GPC3: variants seen among roughly 807,000 people sequenced by gnomAD.
GPC3 encodes the protein glypican 3, also known as glypican-3.
In GPC3, 3 loss-of-function variants were observed where a neutral mutation model predicts 34.4. The ratio of observed to expected loss-of-function variants is 0.09; its 90% confidence interval spans 0.04 to 0.23. The LOEUF is 0.23. Ranked by LOEUF, GPC3 falls within the 10% of genes least tolerant of loss-of-function variation. The probability of loss-of-function intolerance (pLI) is 1.00; values close to 1 mark genes in which losing one functional copy is unlikely to be tolerated. For missense variants in GPC3, 351 were observed against 445.6 expected, an observed-to-expected ratio of 0.79 and a Z score of 1.91; for synonymous variants, 177 against 174.0, an observed-to-expected ratio of 1.02 and a Z score of -0.13.
At chrX:133,954,864 C>T (rs1165054595) in intron 1 of GPC3, among the ~76,000 whole-genome samples, 2 of 106,451 alleles carry the variant, frequency 1.9e-5, no homozygotes, top group Non-Finnish European at 3.8e-5. Flanking sequence ...TCTCCTGCCT[C>T]AGCCTCCCAA....
At chrX:133,539,743 T>C (rs1569376770) in intron 7 of GPC3, among the ~76,000 whole-genome samples, 1 of 112,191 alleles carries the variant, frequency 8.9e-6, no homozygotes, top group African/African-American at 3.2e-5. Flanking sequence ...ACCAATTCCA[T>C]AGCCAGGCAC....
At chrX:133,863,531 G>C (rs2075948593) in intron 2 of GPC3, among the ~76,000 whole-genome samples, 1 of 108,438 alleles carries the variant, frequency 9.2e-6, no homozygotes, top group Non-Finnish European at 1.9e-5. Context: ...GAAGGCCACA[G>C]AACTAATAAA....
At chrX:133,573,809 C>A (rs1239210841) in intron 7 of GPC3, among the ~76,000 whole-genome samples, 2 of 112,051 alleles carry the variant, frequency 1.8e-5, no homozygotes, top group Non-Finnish European at 3.8e-5. Context: ...TTGTTCCCAC[C>A]TTTTAGCTAT....
intron 7 of GPC3, among the ~76,000 whole-genome samples, chrX:133,587,775 C>G (rs768301525): frequency 3.0e-4 from 34 of 111,981 alleles, no homozygotes; most frequent in Non-Finnish European, 5.3e-4. Context: ...CATCCATTAT[C>G]TCATGTGTTT....
At chrX:133,810,541 C>A (rs1195831699) in intron 2 of GPC3, among the ~76,000 whole-genome samples, 2 of 111,519 alleles carry the variant, frequency 1.8e-5, no homozygotes, top group Non-Finnish European at 3.8e-5. Context: ...GGAAAAACTA[C>A]AAAAACGAAG....
At chrX:133,783,722 T>C (rs1177265619) in intron 2 of GPC3, among the ~76,000 whole-genome samples, 14 of 112,154 alleles carry the variant, frequency 1.2e-4, no homozygotes, top group African/African-American at 4.2e-4. Flanking sequence ...TGCAAAGAGA[T>C]ACTATTTTCA....
chrX:133,738,722 C>A (rs771994565), intron 3 of GPC3, among the ~76,000 whole-genome samples: 1 of 111,770 alleles, frequency 8.9e-6, no homozygotes, highest in East Asian at 2.8e-4. Context: ...GCTAAAAATC[C>A]CCATAGGGAA....
At chrX:133,900,291 A>G (rs1470698258) in intron 2 of GPC3, among the ~76,000 whole-genome samples, 1 of 112,505 alleles carries the variant, frequency 8.9e-6, no homozygotes, top group Non-Finnish European at 1.9e-5. Context: ...TTAGAAGATA[A>G]CAATCAATCA....
intron 2 of GPC3, among the ~76,000 whole-genome samples, chrX:133,769,884 A>G (rs915190592): frequency 2.7e-5 from 3 of 112,459 alleles, no homozygotes; most frequent in African/African-American, 9.7e-5. Flanking sequence ...AATGCCAGAT[A>G]CCCTGCATGT....
chrX:133,615,715 G>A (rs5977897), intron 6 of GPC3, among the ~76,000 whole-genome samples: 4,166 of 106,757 alleles, frequency 0.039, 211 homozygotes, highest in African/African-American at 0.13. Flanking sequence ...TAACAAACCC[G>A]CACGTTGTGA....
chrX:133,780,326 T>C (rs1019841787), intron 2 of GPC3, among the ~76,000 whole-genome samples: 5 of 112,013 alleles, frequency 4.5e-5, no homozygotes, highest in African/African-American at 1.6e-4. Flanking sequence ...TTTCAGAGTA[T>C]CCCTTTTCTT....
intron 1 of GPC3, among the ~76,000 whole-genome samples, chrX:133,976,666 C>T (rs1205862311): frequency 3.6e-5 from 4 of 110,680 alleles, no homozygotes; most frequent in East Asian, 5.6e-4. Context: ...ACCTGAAATC[C>T]CAGCACTTTG....
At chrX:133,783,731 C>G (rs1033918660) in intron 2 of GPC3, among the ~76,000 whole-genome samples, 9 of 112,021 alleles carry the variant, frequency 8.0e-5, no homozygotes, top group African/African-American at 2.9e-4. Context: ...ATACTATTTT[C>G]AGAGGAGCCA....
intron 2 of GPC3, among the ~76,000 whole-genome samples, chrX:133,802,123 T>C (rs777303667): frequency 1.8e-4 from 20 of 111,960 alleles, no homozygotes; most frequent in South Asian, 7.4e-4. Context: ...AAACAGAACA[T>C]GCAGATGAAT....
intron 2 of GPC3, among the ~76,000 whole-genome samples, chrX:133,839,862 A>G (rs1176501606): frequency 2.0e-5 from 2 of 101,071 alleles, no homozygotes; most frequent in Non-Finnish European, 3.9e-5. Context: ...CAGGAGGCGG[A>G]GCTTGCAGTG....
intron 2 of GPC3, among the ~76,000 whole-genome samples, chrX:133,811,373 T>C (rs1329831764): frequency 8.9e-6 from 1 of 112,054 alleles, no homozygotes; most frequent in African/African-American, 3.2e-5. Context: ...ATTCAACTGT[T>C]TGACTAAAGA....
At chrX:133,667,707 C>T (rs1411497818) in intron 5 of GPC3, among the ~76,000 whole-genome samples, 2 of 108,835 alleles carry the variant, frequency 1.8e-5, no homozygotes, top group African/African-American at 6.7e-5. Context: ...AAAAATGAGC[C>T]AGGCATGTTG....
chrX:133,744,193 C>T (rs1438375035), intron 3 of GPC3, among the ~76,000 whole-genome samples: 8 of 111,922 alleles, frequency 7.1e-5, no homozygotes, highest in Non-Finnish European at 1.5e-4. Flanking sequence ...AGCTTCTGCA[C>T]AGCAAAAGAA....
At chrX:133,962,520 G>A (rs1397834095) in intron 1 of GPC3, among the ~76,000 whole-genome samples, 3 of 111,479 alleles carry the variant, frequency 2.7e-5, no homozygotes, top group Admixed American at 9.5e-5. Context: ...ACACATACAC[G>A]CACATCATTG....
Sources: allele counts gnomAD v4.1 joint callset (sites outside exome capture counted in the v4.1 genomes callset), GRCh38; gene constraint gnomAD v4.1.1; transcripts MANE v1.5; gene names NCBI Gene and HGNC (gene_info 2026-07-23, HGNC 2026-07-21).